ITGA2: variants seen among roughly 807,000 people sequenced by gnomAD.
ITGA2 encodes the protein integrin subunit alpha 2.
In ITGA2, 101 loss-of-function variants were observed where a neutral mutation model predicts 146.3. The ratio of observed to expected loss-of-function variants is 0.69; its 90% CI spans 0.59 to 0.81. ITGA2 has a LOEUF of 0.81. ITGA2 is among the 40% of genes least tolerant of loss of function. ITGA2 has a pLI of 0.00. For missense variants in ITGA2, 1,281 were observed against 1,402.7 expected (o/e 0.91, Z 1.39); for synonymous variants, 477 against 487.1 (o/e 0.98, Z 0.27).
At chr5:53,004,938 G>C (rs1174226758) in intron 1 of ITGA2, among the ~76,000 whole-genome samples, 2 of 88,362 alleles carry the variant, frequency 2.3e-5, no homozygotes, top group Non-Finnish European at 4.6e-5. Flanking sequence ...TTTTTTGGAG[G>C]GGGAGGAGAG....
intron 11 of ITGA2, among the ~76,000 whole-genome samples, chr5:53,060,493 C>T (rs186259364): frequency 1.3e-5 from 2 of 152,048 alleles, no homozygotes; most frequent in South Asian, 2.1e-4. Flanking sequence ...ACTTGTCTAA[C>T]GTTCAACAAC....
intron 2 of ITGA2, among the ~76,000 whole-genome samples, chr5:53,027,791 G>A (rs1028400542): frequency 1.7e-4 from 26 of 152,160 alleles, no homozygotes; most frequent in African/African-American, 5.8e-4. Flanking sequence ...AATAAGAACC[G>A]TAATGTATGG....
intron 29 of ITGA2, 92 bp from the exon 30 acceptor site, chr5:53,090,427 G>A (rs947358386): frequency 5.1e-6 from 5 of 981,270 alleles, no homozygotes; most frequent in Non-Finnish European, 8.2e-6. Context: ...ATTCCCAGAG[G>A]TGCATCAGAG....
chr5:53,014,909 G>T (rs553214898), intron 1 of ITGA2, among the ~76,000 whole-genome samples: 7 of 151,972 alleles, frequency 4.6e-5, no homozygotes, highest in African/African-American at 1.7e-4. Flanking sequence ...GGACTCTAAG[G>T]GTTTTTAGTA....
At chr5:53,024,429 G>C (rs1742836874) in intron 1 of ITGA2, among the ~76,000 whole-genome samples, 2 of 151,962 alleles carry the variant, frequency 1.3e-5, no homozygotes, top group African/African-American at 2.4e-5. Flanking sequence ...AGAACATATA[G>C]TAATTAAAAT....
intron 10 of ITGA2, among the ~76,000 whole-genome samples, chr5:53,059,384 A>C (rs1413172444): frequency 2.0e-5 from 3 of 152,052 alleles, no homozygotes; most frequent in Non-Finnish European, 4.4e-5. Flanking sequence ...TGAAAGTAGA[A>C]CAGGTCAGAA....
intron 23 of ITGA2, among the ~76,000 whole-genome samples, chr5:53,076,044 C>T (rs10513009): frequency 0.11 from 16,941 of 151,962 alleles, 1,149 homozygotes; most frequent in African/African-American, 0.19. Flanking sequence ...CACACAAATT[C>T]CACAGGTTCT....
chr5:53,045,938 C>T (rs927257801), intron 4 of ITGA2, among the ~76,000 whole-genome samples: 1 of 151,976 alleles, frequency 6.6e-6, no homozygotes, highest in Non-Finnish European at 1.5e-5. Context: ...TGGCTGTAAT[C>T]CCAGCACTGT....
chr5:53,074,514 C>A, intron 21 of ITGA2, 37 bp downstream of exon 21: 1 of 1,469,912 alleles, frequency 6.8e-7, no homozygotes, highest in South Asian at 1.1e-5. Flanking sequence ...CCATACAAGC[C>A]CTCCTTAGCA....
chr5:53,038,409 C>A (rs1214277568), intron 2 of ITGA2, among the ~76,000 whole-genome samples: 1 of 152,168 alleles, frequency 6.6e-6, no homozygotes, highest in African/African-American at 2.4e-5. Context: ...CTGAACATGC[C>A]TTGTTCCTAC....
intron 1 of ITGA2, among the ~76,000 whole-genome samples, chr5:53,016,454 G>A (rs1001326858): frequency 2.4e-4 from 37 of 152,266 alleles, no homozygotes; most frequent in African/African-American, 7.7e-4. Context: ...TATAAGGTTC[G>A]TTGTTAGCCT....
At chr5:53,008,754 T>C (rs896721707) in intron 1 of ITGA2, among the ~76,000 whole-genome samples, 2 of 152,150 alleles carry the variant, frequency 1.3e-5, no homozygotes, top group South Asian at 4.1e-4. Flanking sequence ...CCAGGAGATG[T>C]GCATTTTCAT....
chr5:53,090,044 G>T lies in ITGA2; in HGVS notation c.3447G>T (p.Leu1149=), dbSNP rs774630043. Residue 1149 remains leucine, a synonymous_variant, in exon 29 of 30, where the codon CTG becomes CTT. Coordinates refer to ENST00000296585, the MANE Select transcript of ITGA2 (RefSeq NM_002203.4). ...CTGGAATCCTTTTGCTGTTAGCTCT[G>T]GTTGCAATTTTATGGAAGGTAAGAA... ...IIAGILLLLA[L]VAILWKLGFF... 1 of 1,607,398 alleles carries T rather than the reference G, an allele frequency of 6.2e-7. No individual in the cohort carries two copies. The highest frequency in any genetic ancestry group is 8.5e-7 in the Non-Finnish European group (1 of 1,174,066).
chr5:53,055,719 C>T lies in ITGA2; in HGVS notation c.930+31C>T, dbSNP rs561065188. 4.2e-5 allele frequency: 67 copies of T among 1,610,212 alleles called. No individual in the cohort carries two copies. In the East Asian group the frequency reaches 8.3e-4, roughly 20 times the overall value. ...TGGCTTTTCTTTTCACTTGTCTTGCCGCTATTGGGTAAATCTTTCTTTATA... is the reference window on the plus strand; with the variant it reads ...TGGCTTTTCTTTTCACTTGTCTTGCTGCTATTGGGTAAATCTTTCTTTATA... On this transcript the variant is annotated intron_variant, in intron 8 of 29. Transcript: ENST00000296585.
intron 2 of ITGA2, among the ~76,000 whole-genome samples, chr5:53,035,660 C>T (rs3797500): frequency 0.25 from 37,712 of 152,102 alleles, 5,587 homozygotes; most frequent in South Asian, 0.33. Context: ...TTCCCAGAGA[C>T]GGGCAGCCTT....
chr5:53,035,547 G>C (rs1485094219), intron 2 of ITGA2, among the ~76,000 whole-genome samples: 1 of 152,284 alleles, frequency 6.6e-6, no homozygotes, highest in Non-Finnish European at 1.5e-5. Flanking sequence ...TACTAAAATT[G>C]CCTTTCAATA....
chr5:53,019,228 T>G (rs950919763), intron 1 of ITGA2, among the ~76,000 whole-genome samples: 21 of 152,108 alleles, frequency 1.4e-4, no homozygotes, highest in African/African-American at 5.1e-4. Flanking sequence ...AAAGAAGTAA[T>G]TCATATAAAT....
chr5:53,037,961 A>G (rs1743569729), intron 2 of ITGA2, among the ~76,000 whole-genome samples: 2 of 152,188 alleles, frequency 1.3e-5, no homozygotes, highest in African/African-American at 2.4e-5. Context: ...GTGCCACACA[A>G]CTGCACAGAT....
At chr5:53,054,235 T>C (rs1000750078) in intron 7 of ITGA2, among the ~76,000 whole-genome samples, 1 of 152,198 alleles carries the variant, frequency 6.6e-6, no homozygotes, top group African/African-American at 2.4e-5. Flanking sequence ...TAACAAATTA[T>C]GACAGATTGC....
Sources: allele counts gnomAD v4.1 joint callset (sites outside exome capture counted in the v4.1 genomes callset), GRCh38; gene constraint gnomAD v4.1.1; transcripts MANE v1.5; gene names NCBI Gene and HGNC (gene_info 2026-07-23, HGNC 2026-07-21).